The following CADM2 variants were observed in gnomAD, a reference collection of about 807,000 sequenced individuals.
CADM2 encodes the protein cell adhesion molecule 2.
Under a neutral mutation model 49.8 loss-of-function variants are expected in CADM2, and 12 were observed. The ratio of observed to expected loss-of-function variants is 0.24; its 90% CI spans 0.15 to 0.39. The LOEUF (loss-of-function observed/expected upper bound fraction) is 0.39, where lower values mean the gene tolerates loss of function less well. Among genes scored for constraint, CADM2 ranks in the 10% least tolerant of loss-of-function variants. The pLI is 1.00. For missense variants in CADM2, 378 were observed against 492.3 expected, an observed-to-expected ratio of 0.77 and a Z score of 2.20; for synonymous variants, 214 against 175.4, an observed-to-expected ratio of 1.22 and a Z score of -1.74.
chr3:85,542,932 A>T (rs1428334905), intron 1 of CADM2, among the ~76,000 whole-genome samples: 1 of 152,210 alleles, frequency 6.6e-6, no homozygotes, highest in African/African-American at 2.4e-5. Flanking sequence ...CAGCTAACTC[A>T]TGCTAACTCA....
chr3:85,286,553 A>G (rs745492824), intron 1 of CADM2, among the ~76,000 whole-genome samples: 34 of 152,158 alleles, frequency 2.2e-4, no homozygotes, highest in Non-Finnish European at 4.3e-4. Flanking sequence ...CTGCACATTC[A>G]AAGTCACCTA....
chr3:85,338,848 A>G (rs7648431), intron 1 of CADM2, among the ~76,000 whole-genome samples: 115,974 of 151,240 alleles, frequency 0.77, 47,089 homozygotes, highest in Non-Finnish European at 0.88. Flanking sequence ...GTATAAAGGC[A>G]TCTACTTAGA....
At chr3:85,182,913 G>GA (rs1559707545) in intron 1 of CADM2, among the ~76,000 whole-genome samples, 1 of 151,972 alleles carries the variant, frequency 6.6e-6, no homozygotes, top group African/African-American at 2.4e-5. Flanking sequence ...TTGCTCTTTA[G>GA]AATTCAAGTT....
At chr3:85,596,122 G>C (rs891224437) in intron 1 of CADM2, among the ~76,000 whole-genome samples, 1 of 151,370 alleles carries the variant, frequency 6.6e-6, no homozygotes, top group Non-Finnish European at 1.5e-5. Flanking sequence ...TATGTATTAT[G>C]CATTCTTGGC....
chr3:85,838,089 T>A (rs2108254584), intron 3 of CADM2, among the ~76,000 whole-genome samples: 1 of 151,930 alleles, frequency 6.6e-6, no homozygotes, highest in Non-Finnish European at 1.5e-5. Context: ...ACTTCATCTA[T>A]ACATACTCAA....
At chr3:86,032,380 TA>T (rs1392753936) in intron 8 of CADM2, among the ~76,000 whole-genome samples, 2 of 151,888 alleles carry the variant, frequency 1.3e-5, no homozygotes, top group African/African-American at 4.8e-5. Context: ...AACAATGCTA[TA>T]AAATATAAAC....
In CADM2 at chr3:85,291,332, G is replaced by A. The variant is rs369946070; in HGVS notation, c.61+331664G>A. Among the ~76,000 whole-genome samples the A allele has an allele frequency of 8.1e-4, 123 of 151,684 alleles. 1 individual carries two copies. The Middle Eastern group carries it at 0.024, about 29-fold the overall frequency. ...TCTGATTGGTGTACCTGAAAGTGAC[G>A]GGGAGAATGGAACCAAGTTGGAAAA... On this transcript the variant is annotated intron_variant, in intron 1 of 9. Transcript: ENST00000383699.
At chr3:85,554,791 TC>T (rs2107141140) in intron 1 of CADM2, among the ~76,000 whole-genome samples, 1 of 116,068 alleles carries the variant, frequency 8.6e-6, no homozygotes, top group East Asian at 3.5e-4. Context: ...ACTCCTGAGC[TC>T]AGGCAATCCT....
At position 84,972,126 on chromosome 3, in the gene CADM2, G is replaced by A. The variant is rs148821727; in HGVS notation, c.61+12458G>A. 6.6e-4 allele frequency among the ~76,000 whole-genome samples: 101 copies of A among 152,296 alleles called. 1 individual carries two copies. Among genetic ancestry groups the A allele is most frequent in the African/African-American group, 2.2e-3 (93 of 41,566 alleles). The stretch of plus-strand genomic sequence containing the variant: ...TAAGTTCTCAGGCAAGCCGTGTCAC[G>A]GTCTCACTGGCCTTGAGCAAGTTAC... On this transcript the variant is annotated intron_variant, in intron 1 of 9. Coordinates refer to ENST00000383699, the MANE Select transcript of CADM2 (RefSeq NM_001167675.2).
At chr3:85,188,702 T>C (rs1372740243) in intron 1 of CADM2, among the ~76,000 whole-genome samples, 1 of 151,992 alleles carries the variant, frequency 6.6e-6, no homozygotes, top group East Asian at 1.9e-4. Flanking sequence ...AGCGTGAAAA[T>C]CCCTTGATAT....
chr3:85,696,370 G>T (rs901107699), intron 1 of CADM2, among the ~76,000 whole-genome samples: 2 of 151,734 alleles, frequency 1.3e-5, no homozygotes, highest in African/African-American at 4.8e-5. Flanking sequence ...TTTCTCCTAA[G>T]TTTTTTTTCT....
chr3:85,040,860 T>C (rs1216190508), intron 1 of CADM2, among the ~76,000 whole-genome samples: 1 of 152,226 alleles, frequency 6.6e-6, no homozygotes, highest in Admixed American at 6.5e-5. Context: ...GTGGTCTTTA[T>C]TACATGAGCA....
chr3:85,728,165 C>T (rs1222338815), intron 2 of CADM2, among the ~76,000 whole-genome samples: 4 of 152,128 alleles, frequency 2.6e-5, no homozygotes, highest in African/African-American at 9.7e-5. Context: ...AATTATATTA[C>T]AGGTATCTGT....
At chr3:85,202,644 A>G (rs553454521) in intron 1 of CADM2, among the ~76,000 whole-genome samples, 8 of 152,302 alleles carry the variant, frequency 5.3e-5, no homozygotes, top group Admixed American at 6.5e-5. Context: ...TTGGAATGAT[A>G]AATGAGTATT....
chr3:85,236,840 A>G (rs1486931519), intron 1 of CADM2, among the ~76,000 whole-genome samples: 1 of 152,002 alleles, frequency 6.6e-6, no homozygotes, highest in African/African-American at 2.4e-5. Context: ...GCTTAGCAGG[A>G]AGGGCTGTAG....
chr3:86,056,218 G>T (rs1737975470), intron 8 of CADM2, among the ~76,000 whole-genome samples: 1 of 152,134 alleles, frequency 6.6e-6, no homozygotes, highest in South Asian at 2.1e-4. Context: ...AGTTCTAATA[G>T]CTGCACTGCT....
chr3:86,052,130 C>T (rs1287935608), intron 8 of CADM2, among the ~76,000 whole-genome samples: 2 of 152,072 alleles, frequency 1.3e-5, no homozygotes, highest in African/African-American at 4.8e-5. Context: ...TAAACAATTA[C>T]ACTAATTTAG....
intron 2 of CADM2, among the ~76,000 whole-genome samples, chr3:85,727,134 G>T (rs1327141166): frequency 6.6e-6 from 1 of 151,898 alleles, no homozygotes; most frequent in Non-Finnish European, 1.5e-5. Context: ...AGTTTTTATG[G>T]GTTTGAAAAA....
At chr3:85,883,161 G>T (rs975585551) in intron 3 of CADM2, 130 bp from the exon 4 acceptor site, 1 of 701,660 alleles carries the variant, frequency 1.4e-6, no homozygotes, top group Non-Finnish European at 2.2e-6. Context: ...CTTTTAAACT[G>T]TTCCAAGAAA....
Sources: allele counts gnomAD v4.1 joint callset (sites outside exome capture counted in the v4.1 genomes callset), GRCh38; gene constraint gnomAD v4.1.1; transcripts MANE v1.5; gene names NCBI Gene and HGNC (gene_info 2026-07-23, HGNC 2026-07-21).